The following DEPTOR variants were observed in gnomAD, a reference collection of about 807,000 sequenced individuals.
DEPTOR encodes DEP domain containing MTOR interacting protein, also known as DEP domain-containing mTOR-interacting protein.
Under a neutral mutation model 41.6 loss-of-function variants are expected in DEPTOR, and 41 were observed. That is an observed-to-expected ratio of 0.98 (90% CI 0.77 to 1.28). The LOEUF is 1.28. Among genes scored for constraint, DEPTOR ranks in the 50% most tolerant of loss-of-function variants. DEPTOR has a pLI of 0.00. For missense variants in DEPTOR, 514 were observed against 527.9 expected, an observed-to-expected ratio of 0.97 and a Z score of 0.26; for synonymous variants, 195 against 192.3, an observed-to-expected ratio of 1.01 and a Z score of -0.12.
intron 1 of DEPTOR, among the ~76,000 whole-genome samples, chr8:119,904,232 C>G (rs1210977766): frequency 6.6e-6 from 1 of 151,872 alleles, no homozygotes; most frequent in Non-Finnish European, 1.5e-5. Flanking sequence ...GTTCTCATGT[C>G]TCAGCCGCCC....
intron 1 of DEPTOR, among the ~76,000 whole-genome samples, chr8:119,886,368 A>G (rs1454304608): frequency 3.9e-5 from 6 of 152,166 alleles, no homozygotes; most frequent in African/African-American, 1.4e-4. Flanking sequence ...TGGTTAGGTC[A>G]CATGCCTATT....
intron 8 of DEPTOR, among the ~76,000 whole-genome samples, chr8:120,035,961 G>A (rs1812973934): frequency 6.6e-6 from 1 of 152,246 alleles, no homozygotes; most frequent in South Asian, 2.1e-4. Context: ...GGTGACATCA[G>A]TGTCGGTCAC....
intron 4 of DEPTOR, among the ~76,000 whole-genome samples, chr8:119,967,753 C>CAAAAAAA (rs369574750): frequency 2.4e-5 from 2 of 85,076 alleles, no homozygotes. Context: ...GACTTCGTCC[C>CAAAAAAA]AAAAAAAAAA....
intron 1 of DEPTOR, among the ~76,000 whole-genome samples, chr8:119,902,917 T>A (rs557847607): frequency 7.0e-6 from 1 of 142,454 alleles, no homozygotes; most frequent in Non-Finnish European, 1.5e-5. Flanking sequence ...ATCATCAAAT[T>A]TCAGGGTTTT....
At chr8:119,909,078 A>G (rs759591252) in intron 1 of DEPTOR, among the ~76,000 whole-genome samples, 22 of 152,370 alleles carry the variant, frequency 1.4e-4, no homozygotes, top group Non-Finnish European at 1.2e-4. Context: ...GCTTCCTAGC[A>G]TCTCACACAA....
At chr8:119,884,278 A>T (rs1333658740) in intron 1 of DEPTOR, among the ~76,000 whole-genome samples, 1 of 152,160 alleles carries the variant, frequency 6.6e-6, no homozygotes, top group African/African-American at 2.4e-5. Context: ...GGCTGGTCTC[A>T]AACTCCTGAC....
At chr8:119,943,625 G>C (rs553864640) in intron 3 of DEPTOR, among the ~76,000 whole-genome samples, 1 of 152,096 alleles carries the variant, frequency 6.6e-6, no homozygotes, top group African/African-American at 2.4e-5. Context: ...CATCAGTCAC[G>C]GTTACTGTCA....
intron 1 of DEPTOR, among the ~76,000 whole-genome samples, chr8:119,885,161 A>AT (rs371094002): frequency 1.3e-5 from 2 of 151,880 alleles, no homozygotes; most frequent in Admixed American, 6.6e-5. Context: ...TTTTCACTGA[A>AT]TTTTTTTTAA....
At chr8:120,002,811 T>TATATATAA (rs1172358963) in intron 5 of DEPTOR, among the ~76,000 whole-genome samples, 166 bp from the exon 6 acceptor site, 1 of 131,202 alleles carries the variant, frequency 7.6e-6, no homozygotes, top group African/African-American at 2.8e-5. Context: ...TATATATATA[T>TATATATAA]AATATAAAGT....
chr8:119,995,384 G>A (rs1051229558), intron 4 of DEPTOR, among the ~76,000 whole-genome samples: 7 of 151,916 alleles, frequency 4.6e-5, no homozygotes, highest in African/African-American at 7.3e-5. Flanking sequence ...TCAGGAGTTC[G>A]AGACCAGCCT....
intron 4 of DEPTOR, among the ~76,000 whole-genome samples, chr8:119,988,626 G>T (rs1828859314): frequency 6.6e-6 from 1 of 152,134 alleles, no homozygotes; most frequent in African/African-American, 2.4e-5. Context: ...GGGATTACAG[G>T]TGTGTACCAC....
chr8:119,889,533 C>G (rs1001258031), intron 1 of DEPTOR, among the ~76,000 whole-genome samples: 2 of 142,294 alleles, frequency 1.4e-5, no homozygotes, highest in Non-Finnish European at 3.0e-5. Flanking sequence ...GGTGACAGAG[C>G]GAGAGCTTGT....
intron 1 of DEPTOR, among the ~76,000 whole-genome samples, chr8:119,884,785 A>G (rs7815266): frequency 0.88 from 133,489 of 150,982 alleles, 59,111 homozygotes; most frequent in East Asian, 0.97. Context: ...GTGTGGTGGC[A>G]TGATTGCAAC....
intron 4 of DEPTOR, among the ~76,000 whole-genome samples, chr8:120,000,544 T>C (rs1812331204): frequency 6.6e-6 from 1 of 151,976 alleles, no homozygotes; most frequent in African/African-American, 2.4e-5. Context: ...CTAACTGCAA[T>C]GTCTGCCTCC....
chr8:119,918,072 A>G (rs2129810750), intron 1 of DEPTOR, among the ~76,000 whole-genome samples: 1 of 152,272 alleles, frequency 6.6e-6, no homozygotes, highest in Admixed American at 6.5e-5. Flanking sequence ...TCCGAGGAAC[A>G]CCCAATAATG....
chr8:119,899,981 G>A (rs1201391801), intron 1 of DEPTOR, among the ~76,000 whole-genome samples: 1 of 152,030 alleles, frequency 6.6e-6, no homozygotes, highest in Non-Finnish European at 1.5e-5. Flanking sequence ...AATTAACACA[G>A]AGATTAGTAC....
In DEPTOR at chr8:120,009,022, T is replaced by C. The variant is rs202059022; in HGVS notation, c.997-7T>C. The C allele has an allele frequency of 5.5e-4, 894 of 1,613,902 alleles. 14 individuals carry two copies. The South Asian group carries it at 9.3e-3, about 17-fold the overall frequency. On this transcript the variant is annotated splice_polypyrimidine_tract_variant and splice_region_variant and intron_variant, in intron 7 of 8. Transcript: ENST00000286234. Reference sequence around the variant, plus strand: ...GGCTGCTTGCTAATTGTGGTTTTCCTCTCTAGATTGTTGGTGACGCGGTTG... The same window carrying C: ...GGCTGCTTGCTAATTGTGGTTTTCCCCTCTAGATTGTTGGTGACGCGGTTG...
chr8:119,901,153 T>A (rs1351825368), intron 1 of DEPTOR, among the ~76,000 whole-genome samples: 1 of 152,220 alleles, frequency 6.6e-6, no homozygotes, highest in Non-Finnish European at 1.5e-5. Flanking sequence ...TTGTTTGCAG[T>A]TTCAGATCTA....
chr8:119,988,956 TTC>T (rs1394900651), intron 4 of DEPTOR, among the ~76,000 whole-genome samples: 2 of 117,162 alleles, frequency 1.7e-5, no homozygotes, highest in African/African-American at 2.8e-5. Context: ...CCTTTTTTTT[TTC>T]TTTTTTTTTT....
Sources: allele counts gnomAD v4.1 joint callset (sites outside exome capture counted in the v4.1 genomes callset), GRCh38; gene constraint gnomAD v4.1.1; transcripts MANE v1.5; gene names NCBI Gene and HGNC (gene_info 2026-07-23, HGNC 2026-07-21).